The following BMP2K variants were observed in gnomAD, a reference collection of about 807,000 sequenced individuals.
BMP2K encodes the protein BMP-2-inducible protein kinase.
In BMP2K, 74 loss-of-function variants were observed where a neutral mutation model predicts 116.0. The observed-to-expected ratio is 0.64, with a 90% confidence interval of 0.53 to 0.77. The LOEUF (loss-of-function observed/expected upper bound fraction) is 0.77. Ranked by LOEUF, BMP2K falls within the 30% of genes least tolerant of loss-of-function variation. The pLI is 0.00. For synonymous variants in BMP2K, 486 were observed against 502.5 expected (o/e 0.97, Z 0.44); for missense variants, 1,365 against 1,403.6 (o/e 0.97, Z 0.44).
chr4:78,871,150 C>T, intron 11 of BMP2K, 90 bp downstream of exon 11: 1 of 1,545,208 alleles, frequency 6.5e-7, no homozygotes, highest in Non-Finnish European at 8.7e-7. Context: ...ATCATGGGCA[C>T]CTTGAACTCT....
At chr4:78,815,266 C>G (rs1729283721) in intron 1 of BMP2K, among the ~76,000 whole-genome samples, 2 of 152,072 alleles carry the variant, frequency 1.3e-5, no homozygotes, top group African/African-American at 4.8e-5. Flanking sequence ...AGCTTACTAT[C>G]ATTTCTATTT....
intron 15 of BMP2K, among the ~76,000 whole-genome samples, chr4:78,909,055 CT>C (rs1053664659): frequency 0.067 from 6,289 of 94,394 alleles, 69 homozygotes; most frequent in African/African-American, 0.16. Context: ...TTCCCTTAGT[CT>C]TTTTTTTTTT....
At chr4:78,834,482 C>T (rs964813527) in intron 3 of BMP2K, among the ~76,000 whole-genome samples, 8 of 151,988 alleles carry the variant, frequency 5.3e-5, no homozygotes, top group Admixed American at 4.6e-4. Flanking sequence ...AGGATGGTCT[C>T]GATCTCCTGA....
intron 7 of BMP2K, 117 bp from the exon 8 acceptor site, chr4:78,859,467 T>A: frequency 1.7e-6 from 1 of 600,188 alleles, no homozygotes. Flanking sequence ...TTTGCTAGAA[T>A]CATCACTGAT....
chr4:78,806,432 C>T (rs1728824567), intron 1 of BMP2K, among the ~76,000 whole-genome samples: 2 of 152,108 alleles, frequency 1.3e-5, no homozygotes. Flanking sequence ...CCTGCCTTGG[C>T]CTACCAGAGC....
At chr4:78,896,144 C>G (rs562541333) in intron 15 of BMP2K, among the ~76,000 whole-genome samples, 1 of 151,578 alleles carries the variant, frequency 6.6e-6, no homozygotes, top group South Asian at 2.1e-4. Context: ...AACTTTTTTG[C>G]AGCCAAGATT....
At chr4:78,852,884 A>G (rs967213750) in intron 7 of BMP2K, among the ~76,000 whole-genome samples, 1 of 152,224 alleles carries the variant, frequency 6.6e-6, no homozygotes, top group African/African-American at 2.4e-5. Context: ...GATTACAGAC[A>G]TGAACCACCA....
chr4:78,912,077 G>T lies in BMP2K; in HGVS notation c.*44G>T. 6.6e-7 allele frequency: 1 copy of T among 1,508,422 alleles called. No individual in the cohort carries two copies. Among genetic ancestry groups the T allele is most frequent in the Non-Finnish European group, 9.0e-7 (1 of 1,114,836 alleles). The allele number at this position is 1,508,422 out of a possible 1,614,324, so 93.4% of individuals were successfully genotyped here. On this transcript the variant is annotated 3_prime_UTR_variant, in exon 16 of 16. Transcript: ENST00000502613. ...CGGCATTAACTCCTGTTTCAAAAAAGTGTGAACAGTTTTATGAATTTGAAA... is the reference window on the plus strand; with the variant it reads ...CGGCATTAACTCCTGTTTCAAAAAATTGTGAACAGTTTTATGAATTTGAAA...
chr4:78,824,480 T>C (rs879887114), intron 1 of BMP2K, among the ~76,000 whole-genome samples: 4 of 152,196 alleles, frequency 2.6e-5, no homozygotes, highest in Non-Finnish European at 4.4e-5. Flanking sequence ...CATTAGATCT[T>C]GTGAGAGTTA....
At chr4:78,814,975 C>T (rs1009899566) in intron 1 of BMP2K, among the ~76,000 whole-genome samples, 1 of 151,910 alleles carries the variant, frequency 6.6e-6, no homozygotes, top group African/African-American at 2.4e-5. Context: ...ATGTTTTTTT[C>T]CCCCAATTTG....
intron 7 of BMP2K, among the ~76,000 whole-genome samples, chr4:78,855,417 G>A (rs1442414887): frequency 2.0e-5 from 3 of 152,122 alleles, no homozygotes; most frequent in Non-Finnish European, 4.4e-5. Context: ...TCTATCCAGA[G>A]TATTTTCTTT....
In BMP2K at chr4:78,776,380, G is replaced by A. The variant is rs897890837; in HGVS notation, c.-164G>A. ...CAGCGGAGCCGCGGAGCGGGCGGCG[G>A]GGCCCAGGCTGTGCGCTTGGGGAGC... is the stretch of plus-strand genomic sequence containing the variant. On this transcript the variant is annotated 5_prime_UTR_variant, in exon 1 of 16. Coordinates refer to ENST00000502613, the MANE Select transcript of BMP2K (RefSeq NM_198892.2). 8 of 642,608 alleles carry A rather than the reference G, an allele frequency of 1.2e-5. No homozygotes were observed. The highest frequency in any genetic ancestry group is 7.3e-5 in the South Asian group (1 of 13,686). 39.8% of individuals were successfully genotyped at this position (642,608 alleles called of 1,614,324 possible).
chr4:78,796,109 G>C (rs1254448796), intron 1 of BMP2K, among the ~76,000 whole-genome samples: 1 of 152,072 alleles, frequency 6.6e-6, no homozygotes, highest in Non-Finnish European at 1.5e-5. Flanking sequence ...TATCGCAGCA[G>C]CATTCACAAT....
At chr4:78,819,396 T>G (rs980329118) in intron 1 of BMP2K, among the ~76,000 whole-genome samples, 3 of 152,194 alleles carry the variant, frequency 2.0e-5, no homozygotes, top group African/African-American at 7.2e-5. Context: ...ATTGTATTAG[T>G]AGTAGTTACA....
chr4:78,845,379 C>G (rs1730949014), intron 5 of BMP2K, among the ~76,000 whole-genome samples: 1 of 151,364 alleles, frequency 6.6e-6, no homozygotes, highest in African/African-American at 2.4e-5. Flanking sequence ...GAGGATTTGT[C>G]CTTGTTAAGA....
chr4:78,879,781 A>G (rs1226160683), intron 14 of BMP2K: 1 of 152,198 alleles, frequency 6.6e-6, no homozygotes, highest in Non-Finnish European at 1.5e-5. Flanking sequence ...CCTTATGAGA[A>G]TGTTTAATAG....
intron 1 of BMP2K, among the ~76,000 whole-genome samples, chr4:78,821,719 A>G (rs1729625927): frequency 6.6e-6 from 1 of 152,130 alleles, no homozygotes; most frequent in Non-Finnish European, 1.5e-5. Flanking sequence ...TTTAAGGATT[A>G]TTTTGTTATT....
At position 78,911,310 on chromosome 4, in the gene BMP2K, T is replaced by C. The variant is rs1200150329; in HGVS notation, c.2763T>C (p.Thr921=). The C allele has an allele frequency of 1.9e-6, 3 of 1,613,832 alleles. No individual in the cohort carries two copies. The highest frequency in any genetic ancestry group is 1.1e-5 in the South Asian group (1 of 91,080). Residue 921 remains threonine, a synonymous_variant, in exon 16 of 16, where the codon ACT becomes ACC. Transcript: ENST00000502613. ...ATGCAGTGGGGCCTGAGGCACATACTATCCCTGGTTATCCCAAAAGTGTAG... is the reference window on the plus strand; with the variant it reads ...ATGCAGTGGGGCCTGAGGCACATACCATCCCTGGTTATCCCAAAAGTGTAG... The part of the protein sequence containing the change: ...ECHAVGPEAH[T]IPGYPKSVDV...
At chr4:78,823,422 A>G (rs1185843879) in intron 1 of BMP2K, among the ~76,000 whole-genome samples, 2 of 151,078 alleles carry the variant, frequency 1.3e-5, no homozygotes, top group Non-Finnish European at 3.0e-5. Flanking sequence ...TTTAAAACAT[A>G]TACAAGAGTA....
Sources: gnomAD v4.1 joint callset for allele counts (sites outside exome capture counted in the v4.1 genomes callset) on GRCh38, gnomAD v4.1.1 for gene constraint, MANE v1.5 for transcripts, NCBI Gene and HGNC (gene_info 2026-07-23, HGNC 2026-07-21) for gene names.